The following ACYP1 variants were observed in gnomAD, a reference collection of about 807,000 sequenced individuals.
The protein encoded by ACYP1 is acylphosphatase-1.
A neutral mutation model predicts 10.4 loss-of-function variants in ACYP1; 8 were observed. The observed-to-expected ratio is 0.77, with a 90% CI of 0.45 to 1.38. ACYP1 has a LOEUF of 1.38. Among genes scored for constraint, ACYP1 ranks in the 40% most tolerant of loss-of-function variants. The pLI is 0.00. For missense variants in ACYP1, 93 were observed against 117.3 expected (o/e 0.79, Z 0.96); for synonymous variants, 38 against 40.8 (o/e 0.93, Z 0.26).
At chr14:75,068,459 C>T (rs1050820515), upstream of ACYP1, among the ~76,000 whole-genome samples, 2 of 151,802 alleles carry the variant, frequency 1.3e-5, no homozygotes, top group Admixed American at 6.6e-5. Context: ...AGTCGCCCTT[C>T]TTTCTCATAG....
chr14:75,056,455 CTTT>C (rs142614619), intron 2 of ACYP1, among the ~76,000 whole-genome samples: 2 of 151,222 alleles, frequency 1.3e-5, no homozygotes, highest in South Asian at 4.2e-4. Flanking sequence ...ACCTCTTTTC[CTTT>C]TTCTTTTTTT....
chr14:75,069,468 G>A, exon 1 of ACYP1: 1 of 522,198 alleles, frequency 1.9e-6, no homozygotes, highest in Non-Finnish European at 3.3e-6. Context: ...GGACCGAGCT[G>A]CAGAGTTGGC....
At chr14:75,056,882 G>C (rs921671626) in intron 2 of ACYP1, among the ~76,000 whole-genome samples, 1 of 151,532 alleles carries the variant, frequency 6.6e-6, no homozygotes, top group African/African-American at 2.4e-5. Flanking sequence ...CTGATAAAGG[G>C]AATCTGTGAA....
chr14:75,066,777 G>T (rs1017844166), upstream of ACYP1, among the ~76,000 whole-genome samples: 10 of 152,128 alleles, frequency 6.6e-5, no homozygotes, highest in African/African-American at 2.4e-4. Context: ...GCTTGAACCT[G>T]AGAGGCAGAG....
In ACYP1 at chr14:75,063,495, C is replaced by T. The variant is rs1408414999; in HGVS notation, c.59G>A (p.Gly20Glu). ...CTGAGTATGCTTACGGAAAAACACC[C>T]CTTGCACCTTCCCAAAAATTTCATA... ...VDYEIFGKVQ[G>E]VFFRKHTQAE... The change falls in exon 2 of 3, where the codon GGG becomes GAG. Residue 20 changes from glycine to glutamate, a missense_variant. Coordinates refer to ENST00000238618, the MANE Select transcript of ACYP1 (RefSeq NM_001107.5). The T allele has an allele frequency of 1.2e-6, 2 of 1,613,932 alleles. No individual in the cohort carries two copies. Among genetic ancestry groups the T allele is most frequent in the South Asian group, 1.1e-5 (1 of 91,036 alleles).
chr14:75,060,595 A>G (rs1566619375), intron 2 of ACYP1, among the ~76,000 whole-genome samples: 1 of 152,240 alleles, frequency 6.6e-6, no homozygotes, highest in South Asian at 2.1e-4. Context: ...ATTTCCATCA[A>G]TTGATGAATG....
chr14:75,058,894 T>C (rs1270331116), intron 2 of ACYP1, among the ~76,000 whole-genome samples: 1 of 152,106 alleles, frequency 6.6e-6, no homozygotes, highest in Non-Finnish European at 1.5e-5. Flanking sequence ...GTGTAAACTA[T>C]GAAATTTTGA....
intron 2 of ACYP1, among the ~76,000 whole-genome samples, chr14:75,055,079 CTTTTTTTTTTTTTT>C (rs33920224): frequency 5.3e-5 from 4 of 75,084 alleles, no homozygotes; most frequent in African/African-American, 1.7e-4. Context: ...TATCTGAACT[CTTTTTTTTTTTTTT>C]TTTTTTTTTT....
intron 2 of ACYP1, among the ~76,000 whole-genome samples, chr14:75,061,040 C>A (rs907087999): frequency 2.0e-5 from 3 of 151,918 alleles, no homozygotes; most frequent in Non-Finnish European, 4.4e-5. Flanking sequence ...GCACTCCAGC[C>A]TGGGTGACAG....
chr14:75,062,555 C>A (rs1336853414), intron 2 of ACYP1, among the ~76,000 whole-genome samples: 2 of 151,504 alleles, frequency 1.3e-5, no homozygotes, highest in Admixed American at 6.6e-5. Flanking sequence ...GTGGCTCACA[C>A]CTGTAATCCC....
chr14:75,061,484 G>GA (rs1401640171), intron 2 of ACYP1, among the ~76,000 whole-genome samples: 2 of 152,108 alleles, frequency 1.3e-5, no homozygotes, highest in African/African-American at 4.8e-5. Flanking sequence ...GCCTAATTAA[G>GA]AAAAAATAGA....
At chr14:75,062,679 A>G (rs1009111240) in intron 2 of ACYP1, among the ~76,000 whole-genome samples, 194 of 141,116 alleles carry the variant, frequency 1.4e-3, no homozygotes, top group Middle Eastern at 3.7e-3. Flanking sequence ...AAAAAAAAAA[A>G]AAGAAGTTTT....
chr14:75,063,710 G>T, intron 1 of ACYP1, 149 bp from the exon 2 acceptor site: 1 of 730,076 alleles, frequency 1.4e-6, no homozygotes, highest in African/African-American at 1.8e-5. Flanking sequence ...AAACGTGAGT[G>T]GATGTGATAA....
intron 2 of ACYP1, among the ~76,000 whole-genome samples, chr14:75,057,139 T>C (rs2139648332): frequency 6.6e-6 from 1 of 151,674 alleles, no homozygotes; most frequent in South Asian, 2.1e-4. Context: ...CTAGAGCTAA[T>C]TAACAGTCTC....
At chr14:75,066,979 G>C (rs746868399), upstream of ACYP1, among the ~76,000 whole-genome samples, 2 of 152,174 alleles carry the variant, frequency 1.3e-5, no homozygotes, top group Admixed American at 6.5e-5. Flanking sequence ...TTTGAGAATG[G>C]GAGAGGATCA....
chr14:75,060,932 T>C (rs1892998448), intron 2 of ACYP1, among the ~76,000 whole-genome samples: 1 of 152,094 alleles, frequency 6.6e-6, no homozygotes, highest in Non-Finnish European at 1.5e-5. Flanking sequence ...CTGGGCATGG[T>C]GGTGCATGCC....
At chr14:75,069,367 G>A (rs1413772519) in exon 1 of ACYP1, 4 of 1,172,632 alleles carry the variant, frequency 3.4e-6, no homozygotes, top group East Asian at 6.1e-5. Context: ...CAAGGTCTGG[G>A]AGCGTCGTTC....
At chr14:75,058,376 G>C (rs997764910) in intron 2 of ACYP1, among the ~76,000 whole-genome samples, 8 of 151,334 alleles carry the variant, frequency 5.3e-5, no homozygotes, top group Non-Finnish European at 1.2e-4. Flanking sequence ...TTGAACCCTG[G>C]AGGCAGAGGT....
chr14:75,057,411 A>G (rs1297178422), intron 2 of ACYP1, among the ~76,000 whole-genome samples: 1 of 151,594 alleles, frequency 6.6e-6, no homozygotes, highest in Non-Finnish European at 1.5e-5. Context: ...CATTGTTAAG[A>G]TGATATTACT....
Sources: gnomAD v4.1 joint callset for allele counts (sites outside exome capture counted in the v4.1 genomes callset) on GRCh38, gnomAD v4.1.1 for gene constraint, MANE v1.5 for transcripts, NCBI Gene and HGNC (gene_info 2026-07-23, HGNC 2026-07-21) for gene names.